The following AIFM1 variants were observed in gnomAD, a reference collection of about 807,000 sequenced individuals.
The protein encoded by AIFM1 is apoptosis inducing factor mitochondria associated 1.
Under a neutral mutation model 51.7 loss-of-function variants are expected in AIFM1, and 3 were observed. The ratio of observed to expected loss-of-function variants is 0.06; its 90% confidence interval spans 0.03 to 0.15. AIFM1 has a LOEUF of 0.15. Among genes scored for constraint, AIFM1 ranks in the 10% least tolerant of loss-of-function variants. AIFM1 has a pLI of 1.00. For missense variants in AIFM1, 330 were observed against 476.8 expected (o/e 0.69, Z 2.87); for synonymous variants, 178 against 179.4 (o/e 0.99, Z 0.06).
chrX:130,131,832 G>C, intron 13 of AIFM1, 33 bp from the exon 14 acceptor site: 3 of 1,207,058 alleles, frequency 2.5e-6, no homozygotes, highest in Non-Finnish European at 3.4e-6. Context: ...TCTGTCAAGG[G>C]ACTGTAAGGA....
intron 7 of AIFM1, among the ~76,000 whole-genome samples, chrX:130,140,242 GC>G (rs1460121701): frequency 8.9e-6 from 1 of 112,271 alleles, no homozygotes; most frequent in Non-Finnish European, 1.9e-5. Flanking sequence ...TGGCAATGAA[GC>G]CACAAACGAC....
chrX:130,137,804 T>C, intron 9 of AIFM1: 2 of 924,762 alleles, frequency 2.2e-6, no homozygotes, highest in Non-Finnish European at 2.7e-6. Context: ...GACTCACACC[T>C]ATAATCCCAG....
At chrX:130,153,178 C>CAAAAAAAAAAA (rs34591824) in intron 2 of AIFM1, among the ~76,000 whole-genome samples, 3 of 43,912 alleles carry the variant, frequency 6.8e-5, no homozygotes, top group Non-Finnish European at 1.3e-4. Context: ...ACTAAAAATA[C>CAAAAAAAAAAA]AAAAAAAAAA....
intron 1 of AIFM1, among the ~76,000 whole-genome samples, chrX:130,163,282 G>C (rs993170916): frequency 2.0e-5 from 2 of 97,892 alleles, no homozygotes; most frequent in African/African-American, 3.8e-5. Flanking sequence ...TGCACTCTGG[G>C]AAACTGAGCG....
chrX:130,149,432 A>T, intron 3 of AIFM1, 37 bp downstream of exon 3: 1 of 1,095,894 alleles, frequency 9.1e-7, no homozygotes, highest in Non-Finnish European at 1.3e-6. Flanking sequence ...TCCCTTTGTG[A>T]GTCTCAAATC....
chrX:130,139,428 A>AC (rs2030497762), intron 8 of AIFM1, among the ~76,000 whole-genome samples: 1 of 111,557 alleles, frequency 9.0e-6, no homozygotes, highest in Non-Finnish European at 1.9e-5. Flanking sequence ...CTTGCTTTTT[A>AC]TTTAGGTACT....
chrX:130,131,705 C>T lies in AIFM1; in HGVS notation c.1543G>A (p.Asp515Asn), dbSNP rs144266307. 104 of 1,210,581 alleles carry T rather than the reference C, an allele frequency of 8.6e-5. 1 individual carries two copies. The African/African-American group carries it at 1.6e-3, about 18-fold the overall frequency. The change falls in exon 14 of 16, where the codon GAC (aspartate) becomes AAC (asparagine). Residue 515 changes from aspartate (D) to asparagine (N), a missense_variant. Transcript: ENST00000287295. The stretch of plus-strand genomic sequence containing the variant: ...TGCTCTGTGGCAGATTTGGGGTTGT[C>T]TTGTGCAGTTGCTTTTGCAAAAACA... ...VGVFAKATAQ[D>N]NPKSATEQSG...
intron 9 of AIFM1, among the ~76,000 whole-genome samples, 174 bp downstream of exon 9, chrX:130,138,419 C>T (rs762537799): frequency 8.1e-5 from 9 of 111,419 alleles, no homozygotes; most frequent in African/African-American, 1.6e-4. Context: ...GAGCCGAGAT[C>T]GCGCCACTGC....
intron 3 of AIFM1, 37 bp from the exon 4 acceptor site, chrX:130,147,913 A>C: frequency 1.7e-6 from 2 of 1,209,038 alleles, no homozygotes; most frequent in Non-Finnish European, 2.2e-6. Context: ...AATCTTCTTG[A>C]AGTCTCAGAT....
chrX:130,147,838 T>C lies in AIFM1; in HGVS notation c.388A>G (p.Ser130Gly). 1 of 1,211,847 alleles carries C rather than the reference T, an allele frequency of 8.3e-7. No homozygotes were observed. The highest frequency in any genetic ancestry group is 1.1e-6 in the Non-Finnish European group (1 of 895,525). ...GEEVPQDKAPSHVPFLLIGGG... is the reference protein window; with the variant it reads ...GEEVPQDKAPGHVPFLLIGGG... ...CCAATTAGCAGGAAAGGAACATGACTTGGCGCCTTGTCTTGAGGAACTTCC... is the reference window on the plus strand; with the variant it reads ...CCAATTAGCAGGAAAGGAACATGACCTGGCGCCTTGTCTTGAGGAACTTCC... The change falls in exon 4 of 16, where the codon AGT (serine) becomes GGT (glycine). Residue 130 changes from serine to glycine, a missense_variant. By Grantham distance (56) the Ser-to-Gly change is moderately conservative (BLOSUM62 0). Around this residue, in one of 4 missense-constraint regions of AIFM1, gnomAD observed 110 missense variants for 103.1 expected, o/e 1.07. Transcript: ENST00000287295.
intron 1 of AIFM1, among the ~76,000 whole-genome samples, chrX:130,158,670 T>C (rs922193168): frequency 1.7e-5 from 1 of 58,169 alleles, no homozygotes; most frequent in South Asian, 9.9e-4. Flanking sequence ...GGGCCACATA[T>C]AAAATACACT....
rs2030184574 is a variant in AIFM1 at position 130,133,386 on chromosome X, C to T, written c.1375G>A (p.Val459Ile). 1 of 1,208,557 alleles carries T rather than the reference C, an allele frequency of 8.3e-7. No homozygotes were observed. Among genetic ancestry groups the T allele is most frequent in the African/African-American group, 1.8e-5 (1 of 56,711 alleles). Residue 459 changes from valine to isoleucine, a missense_variant, in exon 13 of 16, where the codon GTT becomes ATT. By Grantham distance (29) the Val-to-Ile change is conservative. Around this residue, in one of 4 missense-constraint regions of AIFM1, gnomAD observed 152 missense variants for 292.8 expected, o/e 0.52. Transcript: ENST00000287295. ...TCTCCAGCCAATCTTCCACTCACAA[C>T]AGCGTGATCATGGTGCTCTACCCGC... Reference protein sequence around the residue: ...RRRVEHHDHAVVSGRLAGENM... With the variant: ...RRRVEHHDHAIVSGRLAGENM...
chrX:130,138,352 C>G (rs1449004220), intron 9 of AIFM1, among the ~76,000 whole-genome samples: 1 of 111,003 alleles, frequency 9.0e-6, no homozygotes, highest in African/African-American at 3.3e-5. Flanking sequence ...GTAGTCCCAG[C>G]TACTCGGGAG....
chrX:130,158,704 TAAAAAAAAAAA>T lies in AIFM1; in HGVS notation c.107-2112_107-2102del, dbSNP rs56253125. On this transcript the variant is annotated intron_variant, in intron 1 of 15. Coordinates refer to ENST00000287295, the MANE Select transcript of AIFM1 (RefSeq NM_004208.4). ...CTAACACTAACCATAGCTGATGAGC[TAAAAAAAAAAA>T]AAAAAAAAAAAAAAAAATCGCAAAA... 4.8e-4 allele frequency among the ~76,000 whole-genome samples: 21 copies of T among 44,065 alleles called. No individual in the cohort carries two copies. In the East Asian group the frequency reaches 0.017, roughly 35 times the overall value. The allele number at this position is 44,065 out of a possible 115,157, so 38.3% of individuals were successfully genotyped here.
intron 7 of AIFM1, 112 bp downstream of exon 7, chrX:130,140,419 CAG>C: frequency 1.6e-6 from 1 of 636,802 alleles, no homozygotes; most frequent in Non-Finnish European, 2.6e-6. Context: ...ACACTCACTT[CAG>C]AGAGTCTGGG....
chrX:130,136,527 G>A, intron 11 of AIFM1, 116 bp downstream of exon 11: 5 of 681,373 alleles, frequency 7.3e-6, no homozygotes, highest in African/African-American at 2.1e-5. Context: ...ATTATATCAG[G>A]TTAATGGCAA....
intron 1 of AIFM1, among the ~76,000 whole-genome samples, chrX:130,157,837 C>T (rs1471639171): frequency 1.5e-4 from 16 of 108,926 alleles, no homozygotes; most frequent in African/African-American, 4.7e-4. Flanking sequence ...TGCTTGTAGT[C>T]CCAGCTACTC....
At chrX:130,132,623 G>A (rs1203390445) in intron 13 of AIFM1, among the ~76,000 whole-genome samples, 1 of 112,170 alleles carries the variant, frequency 8.9e-6, no homozygotes, top group Non-Finnish European at 1.9e-5. Flanking sequence ...GGTTGGTCTC[G>A]AACTTCTGGG....
chrX:130,162,440 G>C (rs23962), intron 1 of AIFM1, among the ~76,000 whole-genome samples: 54,637 of 111,029 alleles, frequency 0.49, 10,319 homozygotes, highest in African/African-American at 0.69. Context: ...ATTCACATGA[G>C]CAGGCAACTT....
Sources: allele counts gnomAD v4.1 joint callset (sites outside exome capture counted in the v4.1 genomes callset), GRCh38; gene constraint gnomAD v4.1.1; regional missense constraint gnomAD v4.1.1; transcripts MANE v1.5; gene names NCBI Gene and HGNC (gene_info 2026-07-23, HGNC 2026-07-21).